The following RXRA variants were observed in gnomAD, a reference collection of about 807,000 sequenced individuals.
RXRA encodes retinoid X receptor alpha, also known as retinoic acid receptor RXR-alpha.
RXRA carries 5 observed loss-of-function variants against 44.5 expected under a neutral mutation model. That is an observed-to-expected ratio of 0.11 (90% CI 0.06 to 0.24). The LOEUF (loss-of-function observed/expected upper bound fraction) is 0.24, where lower values mean the gene tolerates loss of function less well. Ranked by LOEUF, RXRA falls within the 10% of genes least tolerant of loss-of-function variation. The probability of loss-of-function intolerance (pLI) is 1.00; values close to 1 mark genes in which losing one functional copy is unlikely to be tolerated. For missense variants in RXRA, 412 were observed against 646.5 expected, an observed-to-expected ratio of 0.64 and a Z score of 3.93; for synonymous variants, 291 against 271.4, an observed-to-expected ratio of 1.07 and a Z score of -0.71.
rs180886878 is a variant in RXRA, at chr9:134,349,006, G to A, written c.28+22347G>A. 1.3e-5 allele frequency among the ~76,000 whole-genome samples: 2 copies of A among 152,192 alleles called. No individual in the cohort carries two copies. The highest frequency in any genetic ancestry group is 6.5e-5 in the Admixed American group (1 of 15,284). On this transcript the variant is annotated intron_variant, in intron 1 of 9. Transcript: ENST00000481739. The surrounding 1 kb of genome is among the most constrained non-coding windows in gnomAD (Gnocchi z 4.3). ...AGACTCGGGAGGGGCTGGCATATCCGAGACCCAGTTCTGTCACTTGCAGTG... is the reference window on the plus strand; with the variant it reads ...AGACTCGGGAGGGGCTGGCATATCCAAGACCCAGTTCTGTCACTTGCAGTG...
intron 1 of RXRA, among the ~76,000 whole-genome samples, chr9:134,369,288 G>A (rs1588269016): frequency 2.6e-5 from 1 of 38,152 alleles, no homozygotes; most frequent in Non-Finnish European, 5.1e-5. Flanking sequence ...GTGTGTGTGT[G>A]GGGGTTATGT....
intron 1 of RXRA, among the ~76,000 whole-genome samples, chr9:134,383,318 G>T (rs1830672880): frequency 6.6e-6 from 1 of 152,200 alleles, no homozygotes; most frequent in African/African-American, 2.4e-5. Flanking sequence ...GGTGTGGCGG[G>T]CTGGGAGCCT....
Position 134,417,510 on chromosome 9 carries a change from G to A in RXRA, c.780+183G>A, listed in dbSNP as rs1488881087. Among the ~76,000 whole-genome samples the A allele has an allele frequency of 6.6e-6, 1 of 152,040 alleles. No individual in the cohort carries two copies. The highest frequency in any genetic ancestry group is 1.5e-5 in the Non-Finnish European group (1 of 67,982). On this transcript the variant is annotated intron_variant, in intron 5 of 9. Coordinates refer to ENST00000481739, the MANE Select transcript of RXRA (RefSeq NM_002957.6). The surrounding 1 kb of genome is among the most constrained non-coding windows in gnomAD (Gnocchi z 6.1). Reference sequence around the variant, plus strand: ...CGTGGGCCCCTCGCCCCAGCTGGGCGGCACTCTCCTCTCCTGGCCCATGCA... The same window carrying A: ...CGTGGGCCCCTCGCCCCAGCTGGGCAGCACTCTCCTCTCCTGGCCCATGCA...
At chr9:134,390,803 G>A (rs192152899) in intron 1 of RXRA, among the ~76,000 whole-genome samples, 5 of 152,256 alleles carry the variant, frequency 3.3e-5, no homozygotes, top group Admixed American at 6.5e-5. Flanking sequence ...CAGATGCCCC[G>A]CCAGTCAGGC....
rs1830093841 is a variant in RXRA, at chr9:134,342,181, G to A, written c.28+15522G>A. Among the ~76,000 whole-genome samples the A allele has an allele frequency of 6.6e-6, 1 of 152,134 alleles. No homozygotes were observed. Among genetic ancestry groups the A allele is most frequent in the South Asian group, 2.1e-4 (1 of 4,826 alleles). Reference sequence around the variant, plus strand: ...TAGTGAGTTCTGAACTGTGAGATCAGGCTGGAGAAAGCCCTGGACCCACTG... The same window carrying A: ...TAGTGAGTTCTGAACTGTGAGATCAAGCTGGAGAAAGCCCTGGACCCACTG... On this transcript the variant is annotated intron_variant, in intron 1 of 9. Coordinates refer to ENST00000481739, the MANE Select transcript of RXRA (RefSeq NM_002957.6). The surrounding 1 kb of genome is among the most constrained non-coding windows in gnomAD (Gnocchi z 4.4).
intron 1 of RXRA, among the ~76,000 whole-genome samples, chr9:134,389,931 C>T (rs1342026448): frequency 6.6e-6 from 1 of 152,198 alleles, no homozygotes; most frequent in African/African-American, 2.4e-5. Flanking sequence ...AGCTGCCTGC[C>T]ACCTGTTCAC....
chr9:134,435,328 G>C lies in RXRA; in HGVS notation c.1241+1121G>C, dbSNP rs1440590491. Among the ~76,000 whole-genome samples the C allele has an allele frequency of 3.3e-5, 5 of 152,304 alleles. No individual in the cohort carries two copies. In the East Asian group the frequency reaches 5.8e-4, roughly 18 times the overall value. On this transcript the variant is annotated intron_variant, in intron 9 of 9. Transcript: ENST00000481739. Reference sequence around the variant, plus strand: ...CCATAGCACCCTGTCCTCAGCGGCAGCTGCTGCCCTCATGCCTGGCCCTGC... The same window carrying C: ...CCATAGCACCCTGTCCTCAGCGGCACCTGCTGCCCTCATGCCTGGCCCTGC...
rs1554749167 is a variant in RXRA at position 134,349,269 on chromosome 9, G to A, written c.28+22610G>A. On this transcript the variant is annotated intron_variant, in intron 1 of 9. Coordinates refer to ENST00000481739, the MANE Select transcript of RXRA (RefSeq NM_002957.6). The surrounding 1 kb of genome is among the most constrained non-coding windows in gnomAD (Gnocchi z 4.3). ...CACTTCCTCATGCTGGGCACATGGG[G>A]AGCCCTGCTGACCCCTGTTCTGCAC... Among the ~76,000 whole-genome samples, 1 of 152,186 alleles carries A rather than the reference G, an allele frequency of 6.6e-6. No homozygotes were observed. The highest frequency in any genetic ancestry group is 6.5e-5 in the Admixed American group (1 of 15,284).
chr9:134,348,354 T>C (rs1830179677), intron 1 of RXRA, among the ~76,000 whole-genome samples: 1 of 152,186 alleles, frequency 6.6e-6, no homozygotes, highest in Non-Finnish European at 1.5e-5. Context: ...CAGCATTTGC[T>C]GGTGCAGCGG....
intron 1 of RXRA, among the ~76,000 whole-genome samples, chr9:134,392,401 A>C: frequency 1.3e-5 from 2 of 150,570 alleles, no homozygotes; most frequent in East Asian, 1.9e-4. Flanking sequence ...AGCTCTCAGG[A>C]CTCTCCGGGG....
intron 1 of RXRA, among the ~76,000 whole-genome samples, chr9:134,389,015 G>T (rs906220871): frequency 3.9e-5 from 6 of 152,012 alleles, no homozygotes; most frequent in Non-Finnish European, 7.4e-5. Flanking sequence ...CTCCAGGGTG[G>T]CCTCAGGCCT....
At chr9:134,430,826 C>T (rs1317175159) in intron 7 of RXRA, among the ~76,000 whole-genome samples, 1 of 152,230 alleles carries the variant, frequency 6.6e-6, no homozygotes, top group Non-Finnish European at 1.5e-5. Flanking sequence ...TCTGGGGTCC[C>T]ACAGCAGTGA....
chr9:134,383,367 C>T (rs976805303), intron 1 of RXRA, among the ~76,000 whole-genome samples: 2 of 152,158 alleles, frequency 1.3e-5, no homozygotes, highest in African/African-American at 4.8e-5. Context: ...AGCACCAGAC[C>T]TGCTGAGGTG....
chr9:134,417,318 C>A lies in RXRA; in HGVS notation c.771C>A (p.Asn257Lys). The A allele has an allele frequency of 3.7e-6, 6 of 1,613,470 alleles. No individual in the cohort carries two copies. Among genetic ancestry groups the A allele is most frequent in the Non-Finnish European group, 5.1e-6 (6 of 1,179,848 alleles). ...ETYVEANMGL[N>K]PSSPNDPVTN... ...ACGTGGAGGCAAACATGGGGCTGAA[C>A]CCCAGCTCGGTGAGTTGCAGCCTGT... The change falls in exon 5 of 10, where the codon AAC (asparagine) becomes AAA (lysine). Residue 257 changes from asparagine (N) to lysine (K), a missense_variant. Physicochemically the swap from Asn to Lys is moderately conservative, Grantham distance 94. Around this residue, in one of 4 missense-constraint regions of RXRA, gnomAD observed 67 missense variants for 78.7 expected, o/e 0.85. Coordinates refer to ENST00000481739, the MANE Select transcript of RXRA (RefSeq NM_002957.6). This position sits in a 1 kb window ranked among gnomAD's most constrained non-coding sequence, Gnocchi z 6.1.
intron 1 of RXRA, among the ~76,000 whole-genome samples, chr9:134,361,089 C>A (rs1830346223): frequency 6.6e-6 from 1 of 152,258 alleles, no homozygotes; most frequent in Non-Finnish European, 1.5e-5. Context: ...TGGGCAGGAG[C>A]TGGCCCTTCG....
At chr9:134,396,639 G>GCTCCTCC (rs999713021) in intron 1 of RXRA, among the ~76,000 whole-genome samples, 1 of 152,124 alleles carries the variant, frequency 6.6e-6, no homozygotes, top group African/African-American at 2.4e-5. Context: ...CGCAGGCCGA[G>GCTCCTCC]CTCCTCCCTC....
intron 1 of RXRA, among the ~76,000 whole-genome samples, chr9:134,395,935 C>T (rs527447071): frequency 9.8e-5 from 15 of 152,342 alleles, no homozygotes; most frequent in Admixed American, 5.2e-4. Flanking sequence ...GCCTGGAGGC[C>T]GCTAGCGGGC....
chr9:134,435,227 C>T (rs756955925), intron 9 of RXRA, among the ~76,000 whole-genome samples: 5 of 152,208 alleles, frequency 3.3e-5, no homozygotes, highest in Admixed American at 6.5e-5. Context: ...CTGGAGGGGC[C>T]GTGTGGAGAG....
At chr9:134,368,855 A>AGTGTGTGAGTGCAGGGGTTAT (rs376940145) in intron 1 of RXRA, among the ~76,000 whole-genome samples, 1 of 123,186 alleles carries the variant, frequency 8.1e-6, no homozygotes, top group Non-Finnish European at 1.6e-5. Flanking sequence ...TGTGTGTGAA[A>AGTGTGTGAGTGCAGGGGTTAT]GTGTGTGAGT....
Sources: allele counts gnomAD v4.1 joint callset (sites outside exome capture counted in the v4.1 genomes callset), GRCh38; gene constraint gnomAD v4.1.1; regional missense constraint gnomAD v4.1.1; non-coding constraint Gnocchi (gnomAD v3.1); transcripts MANE v1.5; gene names NCBI Gene and HGNC (gene_info 2026-07-23, HGNC 2026-07-21).